GRM7: variants seen among roughly 807,000 people sequenced by gnomAD.
The protein encoded by GRM7 is metabotropic glutamate receptor 7.
A neutral mutation model predicts 84.5 loss-of-function variants in GRM7; 35 were observed. The ratio of observed to expected loss-of-function variants is 0.41; its 90% confidence interval spans 0.32 to 0.55. The LOEUF is 0.55. Among genes scored for constraint, GRM7 ranks in the 20% least tolerant of loss-of-function variants. GRM7 has a pLI of 0.19. For synonymous variants in GRM7, 487 were observed against 455.1 expected, an observed-to-expected ratio of 1.07 and a Z score of -0.89; for missense variants, 1,003 against 1,194.6, an observed-to-expected ratio of 0.84 and a Z score of 2.36.
At chr3:7,543,721 T>C (rs1693007041) in intron 7 of GRM7, among the ~76,000 whole-genome samples, 1 of 152,170 alleles carries the variant, frequency 6.6e-6, no homozygotes, top group African/African-American at 2.4e-5. Context: ...GAGGAGAGAA[T>C]TCTATAGATA....
At chr3:7,497,232 C>T (rs1462362034) in intron 7 of GRM7, among the ~76,000 whole-genome samples, 1 of 151,884 alleles carries the variant, frequency 6.6e-6, no homozygotes, top group Non-Finnish European at 1.5e-5. Flanking sequence ...CATGTGTAAA[C>T]CTACAATTTA....
At chr3:7,317,946 AAAC>A (rs1203239806) in intron 4 of GRM7, among the ~76,000 whole-genome samples, 1 of 152,084 alleles carries the variant, frequency 6.6e-6, no homozygotes, top group Non-Finnish European at 1.5e-5. Flanking sequence ...TGTAGAGGAT[AAAC>A]AACAATGAAT....
At chr3:7,012,662 C>T (rs751726421) in intron 1 of GRM7, among the ~76,000 whole-genome samples, 5 of 152,086 alleles carry the variant, frequency 3.3e-5, no homozygotes, top group Non-Finnish European at 7.4e-5. Flanking sequence ...AGAAAAGGAA[C>T]GTCCTTACCT....
At chr3:6,870,463 C>G (rs746252404) in intron 1 of GRM7, among the ~76,000 whole-genome samples, 16 of 152,094 alleles carry the variant, frequency 1.1e-4, no homozygotes, top group Non-Finnish European at 1.9e-4. Flanking sequence ...AGCAGGAGGT[C>G]TTGAGGTCAG....
At chr3:7,026,424 C>G (rs1233008722) in intron 1 of GRM7, among the ~76,000 whole-genome samples, 2 of 152,206 alleles carry the variant, frequency 1.3e-5, no homozygotes, top group East Asian at 3.8e-4. Context: ...ATCACTTACT[C>G]TTGATTATAA....
chr3:7,259,293 T>G (rs1698320911), intron 2 of GRM7, among the ~76,000 whole-genome samples: 1 of 152,220 alleles, frequency 6.6e-6, no homozygotes, highest in Non-Finnish European at 1.5e-5. Flanking sequence ...AAAATACTTT[T>G]ATTTTAGATT....
intron 8 of GRM7, among the ~76,000 whole-genome samples, chr3:7,585,102 AGAG>A (rs1695458913): frequency 6.6e-6 from 1 of 152,200 alleles, no homozygotes; most frequent in African/African-American, 2.4e-5. Context: ...CACAGGAGAG[AGAG>A]GTGTCCCAGT....
intron 1 of GRM7, among the ~76,000 whole-genome samples, chr3:7,129,032 A>T (rs781318258): frequency 6.6e-6 from 1 of 152,172 alleles, no homozygotes; most frequent in Non-Finnish European, 1.5e-5. Context: ...TGTTTAGTGC[A>T]CATTCACGGA....
intron 1 of GRM7, among the ~76,000 whole-genome samples, chr3:6,982,113 C>A (rs1438268947): frequency 6.6e-6 from 1 of 152,072 alleles, no homozygotes; most frequent in Non-Finnish European, 1.5e-5. Flanking sequence ...TACTACACAG[C>A]CATAAAAAAG....
At chr3:7,516,523 A>T (rs1024427841) in intron 7 of GRM7, among the ~76,000 whole-genome samples, 1 of 148,894 alleles carries the variant, frequency 6.7e-6, no homozygotes. Flanking sequence ...TTAGTTCATT[A>T]ATTCTTAAAG....
intron 8 of GRM7, among the ~76,000 whole-genome samples, chr3:7,638,403 C>G (rs1375229306): frequency 6.6e-6 from 1 of 152,100 alleles, no homozygotes; most frequent in Non-Finnish European, 1.5e-5. Context: ...CATCAGTATC[C>G]CCTTTTATGA....
At chr3:7,396,271 T>C (rs774713556) in intron 4 of GRM7, among the ~76,000 whole-genome samples, 1 of 152,106 alleles carries the variant, frequency 6.6e-6, no homozygotes, top group Non-Finnish European at 1.5e-5. Flanking sequence ...TTTCAAGCTG[T>C]AATAAATAAA....
chr3:7,719,126 C>T (rs952390165), intron 9 of GRM7, among the ~76,000 whole-genome samples: 1 of 152,116 alleles, frequency 6.6e-6, no homozygotes, highest in Admixed American at 6.5e-5. Flanking sequence ...CCAGGGAACG[C>T]TATTTGGAAG....
chr3:6,972,840 C>G (rs562975806), intron 1 of GRM7, among the ~76,000 whole-genome samples: 2 of 152,192 alleles, frequency 1.3e-5, no homozygotes, highest in Non-Finnish European at 2.9e-5. Context: ...CCTGCTAGGG[C>G]TAACAGCTGA....
chr3:6,925,258 T>C (rs568112379), intron 1 of GRM7, among the ~76,000 whole-genome samples: 3 of 152,330 alleles, frequency 2.0e-5, no homozygotes, highest in South Asian at 4.1e-4. Context: ...TCTGCTGGCA[T>C]TTTGTTTTCT....
intron 8 of GRM7, among the ~76,000 whole-genome samples, chr3:7,674,545 G>A (rs939680369): frequency 1.3e-5 from 2 of 152,122 alleles, no homozygotes; most frequent in Non-Finnish European, 2.9e-5. Flanking sequence ...TATACATTAT[G>A]GGATGGCTAA....
intron 4 of GRM7, among the ~76,000 whole-genome samples, chr3:7,373,554 A>G (rs1188089780): frequency 1.3e-5 from 2 of 152,224 alleles, no homozygotes; most frequent in Admixed American, 1.3e-4. Flanking sequence ...CATGAGGAAA[A>G]GTAAGCCCTT....
chr3:7,645,269 C>T (rs927811844), intron 8 of GRM7, among the ~76,000 whole-genome samples: 1 of 152,086 alleles, frequency 6.6e-6, no homozygotes, highest in Non-Finnish European at 1.5e-5. Context: ...TGTCAGTTGG[C>T]TGGGCACAGT....
chr3:7,549,909 A>G (rs1693364440), intron 7 of GRM7, among the ~76,000 whole-genome samples: 1 of 152,252 alleles, frequency 6.6e-6, no homozygotes, highest in Non-Finnish European at 1.5e-5. Context: ...AGGTATAGAA[A>G]GCTATGAAAT....
Sources: allele counts gnomAD v4.1 joint callset (sites outside exome capture counted in the v4.1 genomes callset), GRCh38; gene constraint gnomAD v4.1.1; transcripts MANE v1.5; gene names NCBI Gene and HGNC (gene_info 2026-07-23, HGNC 2026-07-21).